RASSF9: variants seen among roughly 807,000 people sequenced by gnomAD.
RASSF9 encodes Ras association domain family member 9, also known as ras association domain-containing protein 9.
RASSF9 carries 18 observed loss-of-function variants against 21.4 expected under a neutral mutation model. That is an observed-to-expected ratio of 0.84 (90% confidence interval 0.58 to 1.25). The LOEUF (loss-of-function observed/expected upper bound fraction) is 1.25. Ranked by LOEUF, RASSF9 falls within the 50% of genes most tolerant of loss-of-function variation. The pLI, the probability that RASSF9 is intolerant of heterozygous loss-of-function variation, is 0.00. For missense variants in RASSF9, 480 were observed against 503.2 expected (o/e 0.95, Z 0.44); for synonymous variants, 183 against 179.1 (o/e 1.02, Z -0.18).
At chr12:85,809,925 C>T (rs2136552023) in intron 1 of RASSF9, among the ~76,000 whole-genome samples, 1 of 151,864 alleles carries the variant, frequency 6.6e-6, no homozygotes, top group Non-Finnish European at 1.5e-5. Context: ...ATCTGACTGG[C>T]ACCAAAACTA....
chr12:85,809,704 G>A (rs1036515640), intron 1 of RASSF9, among the ~76,000 whole-genome samples: 2 of 133,894 alleles, frequency 1.5e-5, no homozygotes. Context: ...TGATGATGAT[G>A]ATGATGATGT....
At chr12:85,828,265 A>T (rs1027097679) in intron 1 of RASSF9, among the ~76,000 whole-genome samples, 2 of 152,168 alleles carry the variant, frequency 1.3e-5, no homozygotes, top group East Asian at 3.9e-4. Flanking sequence ...TTTTTTTCTG[A>T]GATGGTAAAA....
At chr12:85,826,959 T>TA (rs1880347936) in intron 1 of RASSF9, among the ~76,000 whole-genome samples, 1 of 152,186 alleles carries the variant, frequency 6.6e-6, no homozygotes, top group Admixed American at 6.5e-5. Flanking sequence ...CTTTCTCCTT[T>TA]ACCTACAATA....
chr12:85,833,607 T>C (rs1366174331), intron 1 of RASSF9, among the ~76,000 whole-genome samples: 2 of 151,968 alleles, frequency 1.3e-5, no homozygotes, highest in Admixed American at 6.6e-5. Context: ...AGGCAGAGAA[T>C]AGCATGCAGA....
chr12:85,823,647 G>C (rs771390790), intron 1 of RASSF9, among the ~76,000 whole-genome samples: 11 of 152,184 alleles, frequency 7.2e-5, no homozygotes, highest in Non-Finnish European at 7.4e-5. Context: ...TGGAGTTCAG[G>C]CTTCAAGAAG....
intron 1 of RASSF9, among the ~76,000 whole-genome samples, chr12:85,820,442 C>G (rs1880181593): frequency 6.6e-6 from 1 of 152,050 alleles, no homozygotes; most frequent in East Asian, 1.9e-4. Context: ...CATCATAAAG[C>G]CCCAAGAAAA....
rs1228620392 is a variant in RASSF9, at chr12:85,803,181, A to G, written c.*1521T>C. The G allele has an allele frequency of 6.6e-6, 1 of 152,170 alleles. No individual in the cohort carries two copies. Among genetic ancestry groups the G allele is most frequent in the East Asian group, 1.9e-4 (1 of 5,198 alleles). 9.4% of individuals were successfully genotyped at this position (152,170 alleles called of 1,614,324 possible). A position where few individuals can be genotyped will look rare whatever the true frequency, so the allele number is the denominator to read the frequency against. ...CAATAAAGTTGCTTTAAAAAATTAA[A>G]TACTTTTCAAATTTTGAAAGTAAAA... On this transcript the variant is annotated 3_prime_UTR_variant, in exon 2 of 2. Transcript: ENST00000361228.
Position 85,836,400 on chromosome 12 carries a change from G to C in RASSF9, c.-199C>G. ...AACTGCTGCTTAACTTTGAACTGCG[G>C]GATTGTTGTGGCTGCTGCACCTCTG... On this transcript the variant is annotated 5_prime_UTR_variant, in exon 1 of 2. Coordinates refer to ENST00000361228, the MANE Select transcript of RASSF9 (RefSeq NM_005447.4). 8.2e-7 allele frequency: 1 copy of C among 1,224,340 alleles called. No homozygotes were observed. Among genetic ancestry groups the C allele is most frequent in the East Asian group, 2.6e-5 (1 of 38,806 alleles). 75.8% of individuals were successfully genotyped at this position (1,224,340 alleles called of 1,614,324 possible). A position where few individuals can be genotyped will look rare whatever the true frequency, so the allele number is the denominator to read the frequency against.
chr12:85,810,155 T>C (rs1357967562), intron 1 of RASSF9, among the ~76,000 whole-genome samples: 1 of 152,016 alleles, frequency 6.6e-6, no homozygotes, highest in Non-Finnish European at 1.5e-5. Context: ...GAGTCTCCTT[T>C]ATAGCAGACT....
intron 1 of RASSF9, among the ~76,000 whole-genome samples, chr12:85,822,027 C>A (rs1880223247): frequency 6.6e-6 from 1 of 151,922 alleles, no homozygotes; most frequent in Non-Finnish European, 1.5e-5. Context: ...GCTAAAGTGC[C>A]CTTACTGATT....
In RASSF9 at chr12:85,801,458, G is replaced by C. The variant is rs1412943745; in HGVS notation, c.*3244C>G. The C allele has an allele frequency of 2.0e-5, 3 of 152,148 alleles. No homozygotes were observed. Among genetic ancestry groups the C allele is most frequent in the African/African-American group, 7.2e-5 (3 of 41,422 alleles). 9.4% of individuals were successfully genotyped at this position (152,148 alleles called of 1,614,324 possible). ...AGCCACTCAATTCAAAAAGGGAGCAGGGGGCAAAGAAGTTAATAGGAAAGA... is the reference window on the plus strand; with the variant it reads ...AGCCACTCAATTCAAAAAGGGAGCACGGGGCAAAGAAGTTAATAGGAAAGA... On this transcript the variant is annotated 3_prime_UTR_variant, in exon 2 of 2. Transcript: ENST00000361228.
rs1229481889 is a variant in RASSF9 at position 85,805,545 on chromosome 12, A to T, written c.465T>A (p.Asp155Glu). The change falls in exon 2 of 2, where the codon GAT (aspartate) becomes GAA (glutamate). Residue 155 changes from aspartate (D) to glutamate (E), a missense_variant. Coordinates refer to ENST00000361228, the MANE Select transcript of RASSF9 (RefSeq NM_005447.4). ...PANYMKTLPP[D>E]KQKRIVRKTF... ...TTTTCCTGACTATTCTTTTTTGTTT[A>T]TCTGGTGGTAAAGTCTTCATGTAGT... 5 of 1,613,472 alleles carry T rather than the reference A, an allele frequency of 3.1e-6. No individual in the cohort carries two copies. Among genetic ancestry groups the T allele is most frequent in the African/African-American group, 2.7e-5 (2 of 74,852 alleles).
intron 1 of RASSF9, among the ~76,000 whole-genome samples, chr12:85,817,444 G>A (rs1182823429): frequency 1.3e-5 from 2 of 151,864 alleles, no homozygotes. Context: ...TGTATAATAT[G>A]ACTAGTTGTC....
rs372537232 is a variant in RASSF9, at chr12:85,820,066, T to G, written c.48-14104A>C. Among the ~76,000 whole-genome samples the G allele has an allele frequency of 1.7e-3, 257 of 152,342 alleles. 7 individuals carry two copies. In the South Asian group the frequency reaches 0.051, roughly 30 times the overall value. ...ACAGTGTTGGCAAACTATAGCCCTT[T>G]GATCACATGCAGGCCACCACCAGTT... On this transcript the variant is annotated intron_variant, in intron 1 of 1. Transcript: ENST00000361228.
At chr12:85,819,504 T>C (rs986111146) in intron 1 of RASSF9, among the ~76,000 whole-genome samples, 11 of 152,236 alleles carry the variant, frequency 7.2e-5, no homozygotes, top group African/African-American at 2.7e-4. Context: ...ACACTTACTA[T>C]GTGCTATGCT....
Position 85,805,482 on chromosome 12 carries a change from A to C in RASSF9, c.528T>G (p.Val176=). 1 of 1,613,936 alleles carries C rather than the reference A, an allele frequency of 6.2e-7. No homozygotes were observed. Among genetic ancestry groups the C allele is most frequent in the Non-Finnish European group, 8.5e-7 (1 of 1,179,882 alleles). Residue 176 remains valine (V), a synonymous_variant, in exon 2 of 2, where the codon GTT becomes GTG. Coordinates refer to ENST00000361228, the MANE Select transcript of RASSF9 (RefSeq NM_005447.4). ...TCTCCATATTATCTCGATCATGAGAAACTGTGTCCTGCTTAATTTTAGCCA... is the reference window on the plus strand; with the variant it reads ...TCTCCATATTATCTCGATCATGAGACACTGTGTCCTGCTTAATTTTAGCCA... ...RKLAKIKQDT[V]SHDRDNMETL... is the part of the protein sequence containing the mutation.
chr12:85,810,766 G>T (rs535261803), intron 1 of RASSF9, among the ~76,000 whole-genome samples: 1 of 151,950 alleles, frequency 6.6e-6, no homozygotes, highest in South Asian at 2.1e-4. Flanking sequence ...AGATAGCTTG[G>T]TTCGTTATGT....
chr12:85,822,558 A>T (rs1052136876), intron 1 of RASSF9, among the ~76,000 whole-genome samples: 5 of 152,210 alleles, frequency 3.3e-5, no homozygotes, highest in African/African-American at 1.2e-4. Flanking sequence ...TGTTAAGGAA[A>T]AGGAGAGATA....
chr12:85,836,338 A>T lies in RASSF9; in HGVS notation c.-137T>A. Reference sequence around the variant, plus strand: ...CTCGGATGTTCCTGGCTTTCAGCTCATTAGTAGCCGGCTGAGAAAGTTGCT... The same window carrying T: ...CTCGGATGTTCCTGGCTTTCAGCTCTTTAGTAGCCGGCTGAGAAAGTTGCT... On this transcript the variant is annotated 5_prime_UTR_variant, in exon 1 of 2. The change abolishes an upstream ATG in the 5' untranslated region. Transcript: ENST00000361228. 1 of 1,494,574 alleles carries T rather than the reference A, an allele frequency of 6.7e-7. No homozygotes were observed. The highest frequency in any genetic ancestry group is 8.9e-7 in the Non-Finnish European group (1 of 1,120,102). 92.6% of individuals were successfully genotyped at this position (1,494,574 alleles called of 1,614,324 possible).
Sources: allele counts gnomAD v4.1 joint callset (sites outside exome capture counted in the v4.1 genomes callset), GRCh38; gene constraint gnomAD v4.1.1; transcripts MANE v1.5; gene names NCBI Gene and HGNC (gene_info 2026-07-23, HGNC 2026-07-21).